AGAP3: variants seen among roughly 807,000 people sequenced by gnomAD.
The protein encoded by AGAP3 is arf-GAP with GTPase, ANK repeat and PH domain-containing protein 3.
In AGAP3, 24 loss-of-function variants were observed where a neutral mutation model predicts 96.9. The ratio of observed to expected loss-of-function variants is 0.25; its 90% CI spans 0.18 to 0.35. AGAP3 has a LOEUF of 0.35. Ranked by LOEUF, AGAP3 falls within the 10% of genes least tolerant of loss-of-function variation. The pLI, the probability that AGAP3 is intolerant of heterozygous loss-of-function variation, is 1.00. For synonymous variants in AGAP3, 563 were observed against 536.1 expected, an observed-to-expected ratio of 1.05 and a Z score of -0.69; for missense variants, 876 against 1,254.2, an observed-to-expected ratio of 0.70 and a Z score of 4.55.
chr7:151,118,477 G>A lies in AGAP3; in HGVS notation c.842-28G>A, dbSNP rs762851127. Reference sequence around the variant, plus strand: ...CAGGCTTTTCCCTTCTCTCCAGTGGGTATAATTGACTCTGCTGTCCCCTGC... The same window carrying A: ...CAGGCTTTTCCCTTCTCTCCAGTGGATATAATTGACTCTGCTGTCCCCTGC... On this transcript the variant is annotated intron_variant, in intron 6 of 17. Transcript: ENST00000397238. The surrounding 1 kb of genome is among the most constrained non-coding windows in gnomAD (Gnocchi z 6.1). The A allele has an allele frequency of 1.2e-6, 2 of 1,613,490 alleles. No individual in the cohort carries two copies. Among genetic ancestry groups the A allele is most frequent in the Non-Finnish European group, 1.7e-6 (2 of 1,179,522 alleles).
chr7:151,122,919 T>G, intron 8 of AGAP3: 1 of 1,471,008 alleles, frequency 6.8e-7, no homozygotes, highest in Non-Finnish European at 8.9e-7. Flanking sequence ...CACGGGAACC[T>G]TTGTAACTAA....
rs1401034003 is a variant in AGAP3, at chr7:151,086,934, A to G, written c.193A>G (p.Asn65Asp). ...GGPPQQFALS[N>D]SAAIRAEIQR... ...GCCCCCCCAGCAGTTCGCGCTCTCC[A>G]ACTCCGCGGCCATCCGGGCCGAGAT... is the stretch of plus-strand genomic sequence containing the variant. Residue 65 changes from asparagine (N) to aspartate (D), a missense_variant, in exon 1 of 18, where the codon AAC becomes GAC. By Grantham distance (23) the Asn-to-Asp change is conservative. Transcript: ENST00000397238. The G allele has an allele frequency of 6.2e-7, 1 of 1,607,920 alleles. No homozygotes were observed. The highest frequency in any genetic ancestry group is 1.3e-5 in the African/African-American group (1 of 74,210).
intron 9 of AGAP3, among the ~76,000 whole-genome samples, chr7:151,124,720 T>C (rs529066028): frequency 1.9e-3 from 282 of 152,250 alleles, no homozygotes; most frequent in African/African-American, 6.4e-3. Flanking sequence ...CTGGGACTCA[T>C]GGGCAGTGTG....
intron 8 of AGAP3, among the ~76,000 whole-genome samples, chr7:151,122,433 G>T (rs539672305): frequency 6.6e-6 from 1 of 152,130 alleles, no homozygotes. Flanking sequence ...CTGGGCTGCC[G>T]AGTGGCGAAC....
intron 1 of AGAP3, among the ~76,000 whole-genome samples, chr7:151,092,622 C>G (rs1284496856): frequency 6.6e-6 from 1 of 152,196 alleles, no homozygotes; most frequent in African/African-American, 2.4e-5. Context: ...GGCTTTGCAA[C>G]ACTTTGCATC....
intron 1 of AGAP3, chr7:151,116,486 G>A: frequency 2.1e-6 from 1 of 465,266 alleles, no homozygotes; most frequent in South Asian, 2.9e-5. Context: ...GCCAGGTGTG[G>A]CTTGGTGGGG....
chr7:151,097,196 G>T (rs754446929), intron 1 of AGAP3, among the ~76,000 whole-genome samples: 6 of 152,086 alleles, frequency 3.9e-5, no homozygotes, highest in Non-Finnish European at 8.8e-5. Flanking sequence ...AAGTTCTTAT[G>T]TTGCTATAAA....
At chr7:151,110,934 G>A (rs1049682454) in intron 1 of AGAP3, among the ~76,000 whole-genome samples, 8 of 152,186 alleles carry the variant, frequency 5.3e-5, no homozygotes, top group Admixed American at 3.3e-4. Flanking sequence ...TAGGTCCATG[G>A]CTGCTGCTGC....
chr7:151,132,418 AGGG>A (rs1215948660), intron 10 of AGAP3, among the ~76,000 whole-genome samples: 1 of 152,218 alleles, frequency 6.6e-6, no homozygotes, highest in African/African-American at 2.4e-5. Context: ...GGGTGGCAGG[AGGG>A]CATAGGTAAG....
intron 1 of AGAP3, among the ~76,000 whole-genome samples, chr7:151,094,228 T>TGAAA (rs10630011): frequency 0.41 from 62,521 of 151,866 alleles, 13,989 homozygotes; most frequent in East Asian, 0.58. Flanking sequence ...GGCATTATTC[T>TGAAA]GAAAGGCGGC....
chr7:151,094,347 G>A (rs1798514814), intron 1 of AGAP3, among the ~76,000 whole-genome samples: 2 of 151,924 alleles, frequency 1.3e-5, no homozygotes, highest in Admixed American at 1.3e-4. Context: ...CTCTGGGGTC[G>A]GCACATTTTT....
intron 9 of AGAP3, among the ~76,000 whole-genome samples, chr7:151,125,850 C>T (rs1364573889): frequency 1.3e-5 from 2 of 152,250 alleles, no homozygotes; most frequent in East Asian, 3.9e-4. Context: ...GGGAGGGAGG[C>T]GGCGGCGGGA....
Position 151,144,016 on chromosome 7 carries a change from G to T in AGAP3, c.*73G>T. ...ACCCTCCTCCCTGCAGGCACTGTGGGAACAGACACAGAGATGGAGAAGCAG... is the reference window on the plus strand; with the variant it reads ...ACCCTCCTCCCTGCAGGCACTGTGGTAACAGACACAGAGATGGAGAAGCAG... On this transcript the variant is annotated 3_prime_UTR_variant, in exon 18 of 18. Coordinates refer to ENST00000397238, the MANE Select transcript of AGAP3 (RefSeq NM_031946.7). The T allele has an allele frequency of 6.9e-7, 1 of 1,459,028 alleles. No homozygotes were observed. 90.4% of individuals were successfully genotyped at this position (1,459,028 alleles called of 1,614,324 possible).
In AGAP3 at chr7:151,114,629, G is replaced by A; in HGVS notation, c.332-2164G>A. 7.5e-6 allele frequency: 6 copies of A among 804,076 alleles called. No individual in the cohort carries two copies. The highest frequency in any genetic ancestry group is 9.1e-6 in the Non-Finnish European group (6 of 662,652). The allele number at this position is 804,076 out of a possible 1,614,324, so 49.8% of individuals were successfully genotyped here. On this transcript the variant is annotated intron_variant, in intron 1 of 17. Coordinates refer to ENST00000397238, the MANE Select transcript of AGAP3 (RefSeq NM_031946.7). The surrounding 1 kb of genome is among the most constrained non-coding windows in gnomAD (Gnocchi z 4.4). ...CTCCAGGTCTGGGCTTGCCGGCCGCGAGGTGGAGGAGTTGAGGGACTCGGT... is the reference window on the plus strand; with the variant it reads ...CTCCAGGTCTGGGCTTGCCGGCCGCAAGGTGGAGGAGTTGAGGGACTCGGT...
rs968646927 is a variant in AGAP3 at position 151,096,198 on chromosome 7, C to G, written c.331+9126C>G. ...CTCAGAGGCTCAGCTGTCATCACCG[C>G]CTGCGTGGGGATGCGTGAGGTGAGG... On this transcript the variant is annotated intron_variant, in intron 1 of 17. Transcript: ENST00000397238. This position sits in a 1 kb window ranked among gnomAD's most constrained non-coding sequence, Gnocchi z 4.4. Among the ~76,000 whole-genome samples, 1 of 152,174 alleles carries G rather than the reference C, an allele frequency of 6.6e-6. No individual in the cohort carries two copies. The highest frequency in any genetic ancestry group is 2.4e-5 in the African/African-American group (1 of 41,426).
Position 151,100,239 on chromosome 7 carries a change from C to T in AGAP3, c.331+13167C>T, listed in dbSNP as rs1330305967. ...GCGGTGCTGTTTTGGAGGGAGATGC[C>T]GTCCTGAACCCATGTTACTAGATTC... On this transcript the variant is annotated intron_variant, in intron 1 of 17. Transcript: ENST00000397238. 4.6e-5 allele frequency among the ~76,000 whole-genome samples: 7 copies of T among 152,250 alleles called. No individual in the cohort carries two copies. The East Asian group carries it at 5.8e-4, about 13-fold the overall frequency.
chr7:151,092,792 G>A (rs932073810), intron 1 of AGAP3, among the ~76,000 whole-genome samples: 2 of 152,166 alleles, frequency 1.3e-5, no homozygotes, highest in African/African-American at 2.4e-5. Context: ...CCAGGTCTCT[G>A]TGGTTTGCCT....
intron 1 of AGAP3, chr7:151,115,191 G>C (rs1225588315): frequency 2.0e-6 from 2 of 1,008,696 alleles, no homozygotes; most frequent in Non-Finnish European, 2.4e-6. Flanking sequence ...GGCGGCCGCC[G>C]AGGCGCCGGG....
chr7:151,115,653 G>A, intron 1 of AGAP3: 1 of 1,158,126 alleles, frequency 8.6e-7, no homozygotes, highest in Non-Finnish European at 1.1e-6. Context: ...TAAGGGGGCG[G>A]GCCTGGGGGG....
Sources: allele counts gnomAD v4.1 joint callset (sites outside exome capture counted in the v4.1 genomes callset), GRCh38; gene constraint gnomAD v4.1.1; non-coding constraint Gnocchi (gnomAD v3.1); transcripts MANE v1.5; gene names NCBI Gene and HGNC (gene_info 2026-07-23, HGNC 2026-07-21).